The following CHST8 variants were observed in gnomAD, a reference collection of about 807,000 sequenced individuals.
CHST8 encodes carbohydrate sulfotransferase 8.
CHST8 carries 10 observed loss-of-function variants against 15.0 expected under a neutral mutation model. The ratio of observed to expected loss-of-function variants is 0.67; its 90% CI spans 0.41 to 1.13. CHST8 has a LOEUF of 1.13. Ranked by LOEUF, CHST8 falls within the 50% of genes most tolerant of loss-of-function variation. The probability of loss-of-function intolerance (pLI) is 0.00; values close to 1 mark genes in which losing one functional copy is unlikely to be tolerated. For missense variants in CHST8, 634 were observed against 608.2 expected, an observed-to-expected ratio of 1.04 and a Z score of -0.45; for synonymous variants, 259 against 256.6, an observed-to-expected ratio of 1.01 and a Z score of -0.09.
intron 3 of CHST8, among the ~76,000 whole-genome samples, chr19:33,693,008 C>CTTTT (rs371300363): frequency 2.1e-5 from 3 of 140,920 alleles, no homozygotes; most frequent in African/African-American, 5.2e-5. Flanking sequence ...TTCTTTCTTT[C>CTTTT]TTTTTTTTTT....
At chr19:33,674,755 C>T (rs1371716189) in intron 2 of CHST8, among the ~76,000 whole-genome samples, 1 of 152,172 alleles carries the variant, frequency 6.6e-6, no homozygotes, top group African/African-American at 2.4e-5. Context: ...CTCCAGGCTG[C>T]GTAGAGAAGG....
At chr19:33,725,482 G>A (rs1223126928) in intron 3 of CHST8, among the ~76,000 whole-genome samples, 2 of 152,174 alleles carry the variant, frequency 1.3e-5, no homozygotes, top group Non-Finnish European at 2.9e-5. Context: ...GTGGGGCCTC[G>A]AGGCGCCAGT....
At chr19:33,750,321 T>C (rs1189257741) in intron 3 of CHST8, among the ~76,000 whole-genome samples, 1 of 152,158 alleles carries the variant, frequency 6.6e-6, no homozygotes, top group Admixed American at 6.5e-5. Flanking sequence ...CTATAGGGGC[T>C]GTGGTCACCA....
intron 2 of CHST8, among the ~76,000 whole-genome samples, chr19:33,674,075 T>C (rs1972778655): frequency 6.6e-6 from 1 of 152,162 alleles, no homozygotes; most frequent in Non-Finnish European, 1.5e-5. Context: ...CTTCTGTCAG[T>C]AGGTCCCAGC....
At chr19:33,693,622 A>G (rs1973141830) in intron 3 of CHST8, among the ~76,000 whole-genome samples, 1 of 152,172 alleles carries the variant, frequency 6.6e-6, no homozygotes, top group Non-Finnish European at 1.5e-5. Context: ...CACGGTTCCT[A>G]TAGAACTTTC....
intron 1 of CHST8, among the ~76,000 whole-genome samples, chr19:33,664,872 A>G (rs1415862011): frequency 6.6e-6 from 1 of 152,020 alleles, no homozygotes; most frequent in African/African-American, 2.4e-5. Context: ...TGCTTGGCTT[A>G]TTTCACTGGA....
intron 3 of CHST8, among the ~76,000 whole-genome samples, chr19:33,762,339 C>A (rs1366210414): frequency 6.6e-6 from 1 of 152,240 alleles, no homozygotes; most frequent in African/African-American, 2.4e-5. Flanking sequence ...GGTTTGTAGA[C>A]TGGCTGACCA....
At chr19:33,759,188 G>A (rs75533504) in intron 3 of CHST8, among the ~76,000 whole-genome samples, 15,793 of 152,232 alleles carry the variant, frequency 0.1, 1,110 homozygotes, top group Non-Finnish European at 0.16. Flanking sequence ...GGGCGGGGAC[G>A]AATGTCCAAA....
At chr19:33,708,895 T>C (rs1021576266) in intron 3 of CHST8, among the ~76,000 whole-genome samples, 1 of 152,230 alleles carries the variant, frequency 6.6e-6, no homozygotes, top group Non-Finnish European at 1.5e-5. Flanking sequence ...AAATCATCTT[T>C]AATTCTTCTT....
intron 1 of CHST8, among the ~76,000 whole-genome samples, chr19:33,665,481 G>A (rs1480939939): frequency 6.6e-6 from 1 of 152,156 alleles, no homozygotes; most frequent in African/African-American, 2.4e-5. Flanking sequence ...GGTGGCTGGA[G>A]GGTGTGGTCC....
intron 2 of CHST8, among the ~76,000 whole-genome samples, chr19:33,686,619 C>A (rs904839714): frequency 1.3e-5 from 2 of 152,156 alleles, no homozygotes; most frequent in African/African-American, 2.4e-5. Flanking sequence ...CAGTTCTGGG[C>A]GCTAGCCATG....
At chr19:33,737,231 A>G (rs1169649683) in intron 3 of CHST8, among the ~76,000 whole-genome samples, 2 of 152,250 alleles carry the variant, frequency 1.3e-5, no homozygotes, top group African/African-American at 2.4e-5. Context: ...TGGAATAGCC[A>G]CTTTTTATTC....
At position 33,773,120 on chromosome 19, in the gene CHST8, G is replaced by A. The variant is rs1169673216; in HGVS notation, c.*57G>A. 1.4e-5 allele frequency: 21 copies of A among 1,507,908 alleles called. No homozygotes were observed. The Admixed American group carries it at 3.6e-4, about 26-fold the overall frequency. The allele number at this position is 1,507,908 out of a possible 1,614,324, so 93.4% of individuals were successfully genotyped here. On this transcript the variant is annotated 3_prime_UTR_variant, in exon 5 of 5. Coordinates refer to ENST00000650847, the MANE Select transcript of CHST8 (RefSeq NM_001127895.2). Reference sequence around the variant, plus strand: ...CCCGGTCACTCACCTGTGCTCCCGGGCATCCTCCTGTCCCTGGCTCCTCAT... The same window carrying A: ...CCCGGTCACTCACCTGTGCTCCCGGACATCCTCCTGTCCCTGGCTCCTCAT...
chr19:33,694,344 C>T (rs1394200738), intron 3 of CHST8, among the ~76,000 whole-genome samples: 1 of 150,948 alleles, frequency 6.6e-6, no homozygotes, highest in African/African-American at 2.4e-5. Flanking sequence ...TTTGCCTTTT[C>T]CTGGAGTCAA....
At chr19:33,681,482 C>A (rs1329860734) in intron 2 of CHST8, among the ~76,000 whole-genome samples, 1 of 147,558 alleles carries the variant, frequency 6.8e-6, no homozygotes, top group Admixed American at 6.7e-5. Flanking sequence ...GGGGCACAGC[C>A]CTGGCAGCCT....
At chr19:33,668,811 C>G (rs560255725) in intron 2 of CHST8, among the ~76,000 whole-genome samples, 2 of 152,008 alleles carry the variant, frequency 1.3e-5, no homozygotes, top group African/African-American at 4.8e-5. Flanking sequence ...TCGTGACACT[C>G]GTATTAGGAT....
intron 1 of CHST8, among the ~76,000 whole-genome samples, chr19:33,663,560 T>C (rs1972612502): frequency 6.6e-6 from 1 of 151,964 alleles, no homozygotes; most frequent in African/African-American, 2.4e-5. Context: ...TGAGACCCTG[T>C]CCCCCAAAAA....
intron 2 of CHST8, among the ~76,000 whole-genome samples, chr19:33,671,523 G>T (rs1972738639): frequency 6.6e-6 from 1 of 152,118 alleles, no homozygotes; most frequent in Non-Finnish European, 1.5e-5. Flanking sequence ...GCCCCCCATT[G>T]CTTCTCTGAC....
intron 3 of CHST8, among the ~76,000 whole-genome samples, chr19:33,752,394 T>C (rs912041992): frequency 6.6e-6 from 1 of 151,206 alleles, no homozygotes; most frequent in African/African-American, 2.4e-5. Flanking sequence ...AGATATTCTG[T>C]GTTCCCTGAT....
Sources: gnomAD v4.1 joint callset for allele counts (sites outside exome capture counted in the v4.1 genomes callset) on GRCh38, gnomAD v4.1.1 for gene constraint, MANE v1.5 for transcripts, NCBI Gene and HGNC (gene_info 2026-07-23, HGNC 2026-07-21) for gene names.